COLEC10: variants seen among roughly 807,000 people sequenced by gnomAD.
COLEC10 encodes collectin-10.
COLEC10 carries 22 observed loss-of-function variants against 28.4 expected under a neutral mutation model. That is an observed-to-expected ratio of 0.78 (90% CI 0.55 to 1.11). COLEC10 has a LOEUF of 1.11. Ranked by LOEUF, COLEC10 falls within the 50% of genes least tolerant of loss-of-function variation. The pLI, the probability that COLEC10 is intolerant of heterozygous loss-of-function variation, is 0.00. For missense variants in COLEC10, 361 were observed against 344.1 expected (o/e 1.05, Z -0.39); for synonymous variants, 125 against 116.1 (o/e 1.08, Z -0.49).
At chr8:119,101,043 TG>T (rs902393775) in intron 3 of COLEC10, among the ~76,000 whole-genome samples, 2 of 152,124 alleles carry the variant, frequency 1.3e-5, no homozygotes, top group African/African-American at 4.8e-5. Flanking sequence ...GAAAAGCCAA[TG>T]GGTGTCCTCA....
intron 2 of COLEC10, among the ~76,000 whole-genome samples, chr8:119,090,865 C>A (rs1815577897): frequency 6.6e-6 from 1 of 152,142 alleles, no homozygotes. Context: ...CCTTCTCTAA[C>A]CTTTCTTTTA....
intron 5 of COLEC10, among the ~76,000 whole-genome samples, chr8:119,104,278 A>G (rs1466847141): frequency 4.6e-5 from 7 of 152,202 alleles, no homozygotes; most frequent in African/African-American, 1.7e-4. Context: ...GGAATAGTGC[A>G]CAACTACTAG....
At chr8:118,958,442 AC>A in the COLEC10 span, among the ~76,000 whole-genome samples, 3 of 152,348 alleles carry the variant, frequency 2.0e-5, no homozygotes, top group East Asian at 5.8e-4. Flanking sequence ...AGGGTTTTGC[AC>A]AGTGGCACCA....
chr8:119,064,902 A>T (rs981611322), upstream of COLEC10, among the ~76,000 whole-genome samples: 1 of 152,124 alleles, frequency 6.6e-6, no homozygotes, highest in African/African-American at 2.4e-5. Flanking sequence ...ACTACTATCT[A>T]ATCCACAGGA....
chr8:118,955,653 G>A, the COLEC10 span, among the ~76,000 whole-genome samples: 2,216 of 152,298 alleles, frequency 0.015, 42 homozygotes, highest in African/African-American at 0.051. Context: ...TGAAAACTGC[G>A]TATATTGACA....
rs1485291 is a variant in COLEC10 at position 119,107,696 on chromosome 8, C to G, written c.*1505C>G. Among the ~76,000 whole-genome samples the G allele has an allele frequency of 0.72, 108,924 of 152,028 alleles. 39,946 individuals are homozygous for G. Among genetic ancestry groups the G allele is most frequent in the African/African-American group, 0.87 (36,315 of 41,510 alleles). On this transcript the variant is annotated 3_prime_UTR_variant, in exon 6 of 6. Coordinates refer to ENST00000332843, the MANE Select transcript of COLEC10 (RefSeq NM_006438.5). ...TGACTTACCTAAATGAAGTGGAACA[C>G]GTGGGGACCCTAGTGCACTGAGCAC...
chr8:118,994,068 T>G (rs1219916240), upstream of COLEC10, among the ~76,000 whole-genome samples: 1 of 152,168 alleles, frequency 6.6e-6, no homozygotes, highest in Non-Finnish European at 1.5e-5. Flanking sequence ...AATAAACATT[T>G]CAAGAATAGG....
chr8:119,060,185 A>G (rs946788228), intron 2 of COLEC10, among the ~76,000 whole-genome samples: 13 of 152,116 alleles, frequency 8.5e-5, no homozygotes, highest in Non-Finnish European at 1.9e-4. Context: ...AAATTTTTAA[A>G]AACCCACAAT....
upstream of COLEC10, among the ~76,000 whole-genome samples, chr8:118,993,552 T>C (rs1813540350): frequency 6.6e-6 from 1 of 151,976 alleles, no homozygotes; most frequent in Non-Finnish European, 1.5e-5. Flanking sequence ...ATGGAGTTTT[T>C]ACATGGTGGC....
intron 2 of COLEC10, among the ~76,000 whole-genome samples, chr8:119,055,705 G>C (rs1814748094): frequency 6.6e-6 from 1 of 151,954 alleles, no homozygotes; most frequent in Non-Finnish European, 1.5e-5. Context: ...TTGTCAAAAA[G>C]AGAAAAAAGT....
At chr8:119,032,880 C>T (rs757803339) in intron 2 of COLEC10, among the ~76,000 whole-genome samples, 33 of 152,298 alleles carry the variant, frequency 2.2e-4, no homozygotes, top group Non-Finnish European at 2.8e-4. Context: ...GGAGCCTGGG[C>T]GGCAGAGTGA....
chr8:118,981,222 C>T, the COLEC10 span, among the ~76,000 whole-genome samples: 6 of 152,166 alleles, frequency 3.9e-5, no homozygotes, highest in African/African-American at 1.4e-4. Flanking sequence ...CAAAACATAT[C>T]TATACTCTTG....
intron 2 of COLEC10, among the ~76,000 whole-genome samples, chr8:119,020,966 A>T (rs931743405): frequency 1.3e-5 from 2 of 152,150 alleles, no homozygotes; most frequent in Non-Finnish European, 2.9e-5. Flanking sequence ...GTGATTAAAC[A>T]TATAGGACTT....
the COLEC10 span, among the ~76,000 whole-genome samples, chr8:118,964,333 C>T: frequency 1.3e-5 from 2 of 152,166 alleles, no homozygotes; most frequent in African/African-American, 2.4e-5. Flanking sequence ...GATCCCTTCT[C>T]ATAGAATATA....
chr8:119,017,805 C>A (rs1199745667), intron 2 of COLEC10, among the ~76,000 whole-genome samples: 1 of 152,086 alleles, frequency 6.6e-6, no homozygotes. Context: ...AATCCTGGCC[C>A]ATAGTAGGAC....
chr8:119,017,526 G>A (rs762636891), intron 2 of COLEC10, among the ~76,000 whole-genome samples: 6 of 152,072 alleles, frequency 3.9e-5, no homozygotes, highest in Non-Finnish European at 7.4e-5. Flanking sequence ...TGAGTGCAAG[G>A]GTTGACTAGC....
At chr8:119,035,499 C>A (rs1277670080) in intron 2 of COLEC10, among the ~76,000 whole-genome samples, 2 of 152,146 alleles carry the variant, frequency 1.3e-5, no homozygotes, top group Middle Eastern at 3.2e-3. Context: ...CCAATAAATT[C>A]TGGGAAAAAG....
chr8:119,013,830 C>T (rs1176277995), intron 2 of COLEC10, among the ~76,000 whole-genome samples: 1 of 150,704 alleles, frequency 6.6e-6, no homozygotes, highest in Non-Finnish European at 1.5e-5. Context: ...TATCTTTCTC[C>T]ATCTATTTAC....
At chr8:119,086,834 C>G (rs1220544685) in intron 1 of COLEC10, among the ~76,000 whole-genome samples, 1 of 152,192 alleles carries the variant, frequency 6.6e-6, no homozygotes, top group Non-Finnish European at 1.5e-5. Context: ...TCATTAGTCT[C>G]ATTGTACAGA....
Sources: allele counts gnomAD v4.1 joint callset (sites outside exome capture counted in the v4.1 genomes callset), GRCh38; gene constraint gnomAD v4.1.1; transcripts MANE v1.5; gene names NCBI Gene and HGNC (gene_info 2026-07-23, HGNC 2026-07-21).